The following OLA1 variants were observed in gnomAD, a reference collection of about 807,000 sequenced individuals.
OLA1 encodes obg-like ATPase 1.
Under a neutral mutation model 48.4 loss-of-function variants are expected in OLA1, and 14 were observed. That is an observed-to-expected ratio of 0.29 (90% CI 0.19 to 0.45). The LOEUF (loss-of-function observed/expected upper bound fraction) is 0.45, where lower values mean the gene tolerates loss of function less well. Ranked by LOEUF, OLA1 falls within the 20% of genes least tolerant of loss-of-function variation. The pLI, the probability that OLA1 is intolerant of heterozygous loss-of-function variation, is 1.00. For missense variants in OLA1, 325 were observed against 467.1 expected (o/e 0.70, Z 2.80); for synonymous variants, 127 against 150.4 (o/e 0.84, Z 1.14).
chr2:174,101,930 G>A (rs1283145429), intron 7 of OLA1, among the ~76,000 whole-genome samples: 1 of 152,102 alleles, frequency 6.6e-6, no homozygotes, highest in Non-Finnish European at 1.5e-5. Context: ...ACAAAGACAG[G>A]AAAGTCCGAA....
At chr2:174,243,527 T>C (rs1010598998) in intron 2 of OLA1, among the ~76,000 whole-genome samples, 1 of 152,168 alleles carries the variant, frequency 6.6e-6, no homozygotes, top group Non-Finnish European at 1.5e-5. Flanking sequence ...ATCTACTATG[T>C]TCCTAACACC....
intron 4 of OLA1, among the ~76,000 whole-genome samples, chr2:174,163,735 T>A (rs909723258): frequency 6.7e-4 from 12 of 18,036 alleles, no homozygotes; most frequent in South Asian, 2.4e-3. Flanking sequence ...TATATATATA[T>A]ATATATATAT....
intron 4 of OLA1, among the ~76,000 whole-genome samples, chr2:174,194,112 CT>C (rs202103362): frequency 6.6e-6 from 1 of 152,164 alleles, no homozygotes; most frequent in African/African-American, 2.4e-5. Flanking sequence ...CAGATGATGG[CT>C]TTTGTTGTAT....
At chr2:174,111,490 G>A (rs1420526098) in intron 7 of OLA1, among the ~76,000 whole-genome samples, 11 of 152,144 alleles carry the variant, frequency 7.2e-5, no homozygotes, top group African/African-American at 1.2e-4. Flanking sequence ...GGGATTAAAC[G>A]AAATGATAGA....
intron 4 of OLA1, among the ~76,000 whole-genome samples, chr2:174,144,947 A>ATATATATATATAT (rs1553483385): frequency 1.7e-4 from 11 of 64,788 alleles, no homozygotes; most frequent in East Asian, 3.2e-3. Context: ...AAAAAAAAAA[A>ATATATATATATAT]AAAAATATAT....
intron 4 of OLA1, among the ~76,000 whole-genome samples, chr2:174,183,291 T>A (rs1687587826): frequency 6.6e-6 from 1 of 152,276 alleles, no homozygotes; most frequent in Admixed American, 6.5e-5. Context: ...AATAGCAAAG[T>A]CAGACTTGAT....
chr2:174,164,511 C>T (rs1283113167), intron 4 of OLA1, among the ~76,000 whole-genome samples: 3 of 152,062 alleles, frequency 2.0e-5, no homozygotes, highest in African/African-American at 4.8e-5. Flanking sequence ...AATTATACTG[C>T]TCTAACTCTC....
intron 7 of OLA1, among the ~76,000 whole-genome samples, chr2:174,099,977 A>G (rs1294776243): frequency 1.3e-5 from 2 of 152,222 alleles, no homozygotes; most frequent in African/African-American, 2.4e-5. Context: ...TTGTCTATCA[A>G]ATTGGTACAG....
intron 5 of OLA1, among the ~76,000 whole-genome samples, chr2:174,134,782 G>A (rs1686264020): frequency 6.6e-6 from 1 of 152,166 alleles, no homozygotes; most frequent in African/African-American, 2.4e-5. Flanking sequence ...TATATTTTAT[G>A]TTATGTATAG....
At chr2:174,247,100 A>C (rs1288846620) in intron 1 of OLA1, 1 of 204,830 alleles carries the variant, frequency 4.9e-6, no homozygotes, top group African/African-American at 2.3e-5. Flanking sequence ...TCAGGCCTGT[A>C]ATCCCAGCAC....
At chr2:174,093,422 C>G (rs906983812) in intron 7 of OLA1, among the ~76,000 whole-genome samples, 3 of 151,804 alleles carry the variant, frequency 2.0e-5, no homozygotes, top group African/African-American at 7.3e-5. Flanking sequence ...CATGATTGCA[C>G]CGCTGCACTG....
intron 4 of OLA1, among the ~76,000 whole-genome samples, chr2:174,169,257 T>C (rs1020248831): frequency 6.6e-6 from 1 of 151,874 alleles, no homozygotes; most frequent in African/African-American, 2.4e-5. Context: ...AACATGCATA[T>C]AATTAAAGTC....
chr2:174,103,240 C>T (rs1449031860), intron 7 of OLA1, among the ~76,000 whole-genome samples: 1 of 152,000 alleles, frequency 6.6e-6, no homozygotes, highest in Non-Finnish European at 1.5e-5. Context: ...CAAATCACTG[C>T]ACATATTTTT....
chr2:174,223,066 T>C lies in OLA1; in HGVS notation c.340A>G (p.Ile114Val), dbSNP rs747360353. The C allele has an allele frequency of 5.6e-6, 9 of 1,613,768 alleles. No homozygotes were observed. Among genetic ancestry groups the C allele is most frequent in the South Asian group, 5.5e-5 (5 of 91,056 alleles). Residue 114 changes from isoleucine to valine, a missense_variant, in exon 4 of 11, where the codon ATT (isoleucine) becomes GTT (valine). Physicochemically the swap from Ile to Val is conservative, Grantham distance 29. Transcript: ENST00000284719. ...TGAAAGATGCCATCACAGGCACTAA[T>C]ATGAGATAAAAAAGCATTCCCCAGG... ...QGLGNAFLSH[I>V]SACDGIFHLT...
chr2:174,130,735 T>C (rs1202451776), intron 5 of OLA1, among the ~76,000 whole-genome samples: 1 of 152,026 alleles, frequency 6.6e-6, no homozygotes, highest in Non-Finnish European at 1.5e-5. Flanking sequence ...GAAAGTAGAG[T>C]CATAGAAAAA....
In OLA1 at chr2:174,093,031, C is replaced by T. The variant is rs116574276; in HGVS notation, c.729-10967G>A. Among the ~76,000 whole-genome samples the T allele has an allele frequency of 5.1e-3, 781 of 152,334 alleles. 3 individuals carry two copies. Among genetic ancestry groups the T allele is most frequent in the African/African-American group, 0.018 (756 of 41,572 alleles). On this transcript the variant is annotated intron_variant, in intron 7 of 10. Coordinates refer to ENST00000284719, the MANE Select transcript of OLA1 (RefSeq NM_013341.5). ...CCCGAATCTCCGGCTTCTTACTCTG[C>T]TTCAAGGCTACTAAGACTTGTGTTC...
At chr2:174,120,527 C>A (rs952817697) in intron 7 of OLA1, among the ~76,000 whole-genome samples, 12 of 152,112 alleles carry the variant, frequency 7.9e-5, no homozygotes, top group African/African-American at 2.9e-4. Context: ...CAACTGCAAC[C>A]AACCCGGCTG....
intron 2 of OLA1, among the ~76,000 whole-genome samples, chr2:174,236,904 G>T (rs954765532): frequency 6.6e-6 from 1 of 152,144 alleles, no homozygotes; most frequent in African/African-American, 2.4e-5. Context: ...GAGTGATGGT[G>T]AGTGAATGTG....
intron 7 of OLA1, among the ~76,000 whole-genome samples, chr2:174,093,442 C>G (rs1381003330): frequency 1.3e-5 from 2 of 150,662 alleles, no homozygotes; most frequent in African/African-American, 4.9e-5. Flanking sequence ...GCACTACAGC[C>G]TGGGTGACAG....
Sources: allele counts gnomAD v4.1 joint callset (sites outside exome capture counted in the v4.1 genomes callset), GRCh38; gene constraint gnomAD v4.1.1; transcripts MANE v1.5; gene names NCBI Gene and HGNC (gene_info 2026-07-23, HGNC 2026-07-21).